CYP19A1: variants seen among roughly 807,000 people sequenced by gnomAD.
The protein encoded by CYP19A1 is aromatase.
CYP19A1 carries 32 observed loss-of-function variants against 44.4 expected under a neutral mutation model. The observed-to-expected ratio is 0.72, with a 90% CI of 0.54 to 0.97. The LOEUF (loss-of-function observed/expected upper bound fraction) is 0.97, where lower values mean the gene tolerates loss of function less well. Ranked by LOEUF, CYP19A1 falls within the 50% of genes least tolerant of loss-of-function variation. CYP19A1 has a pLI of 0.00. For synonymous variants in CYP19A1, 212 were observed against 215.6 expected (o/e 0.98, Z 0.14); for missense variants, 598 against 637.8 (o/e 0.94, Z 0.67).
intron 1 of CYP19A1, among the ~76,000 whole-genome samples, chr15:51,265,985 A>G (rs2034904942): frequency 6.6e-6 from 1 of 152,252 alleles, no homozygotes; most frequent in South Asian, 2.1e-4. Flanking sequence ...CTCCAGAAAC[A>G]TAGCAAATCT....
rs59247362 is a variant in CYP19A1, at chr15:51,282,600, T to G, written c.-38-39650A>C. Among the ~76,000 whole-genome samples the G allele has an allele frequency of 6.5e-3, 983 of 152,326 alleles. 5 individuals are homozygous for G. The highest frequency in any genetic ancestry group is 0.011 in the Non-Finnish European group (715 of 68,028). On this transcript the variant is annotated intron_variant, in intron 1 of 9. Coordinates refer to ENST00000396402, the MANE Select transcript of CYP19A1 (RefSeq NM_000103.4). ...ACTTGCGTTGGCCACCTGGACCCAC[T>G]TTCTCTCTCAAACTGTCTTTTCTCT...
At chr15:51,213,812 T>C (rs1454780745) in intron 8 of CYP19A1, among the ~76,000 whole-genome samples, 2 of 152,200 alleles carry the variant, frequency 1.3e-5, no homozygotes, top group African/African-American at 4.8e-5. Flanking sequence ...GAGCTTGTTT[T>C]CTTTTTCCCA....
intron 1 of CYP19A1, among the ~76,000 whole-genome samples, chr15:51,264,591 G>T (rs895260363): frequency 6.6e-6 from 1 of 152,122 alleles, no homozygotes; most frequent in Non-Finnish European, 1.5e-5. Flanking sequence ...TATTGAAAAC[G>T]CAGGGCAGAA....
At chr15:51,305,345 A>G (rs566466471) in intron 1 of CYP19A1, among the ~76,000 whole-genome samples, 7 of 152,284 alleles carry the variant, frequency 4.6e-5, no homozygotes, top group Admixed American at 1.3e-4. Context: ...CAGCTAGCAG[A>G]GAAGAATGGA....
chr15:51,211,154 G>A, intron 9 of CYP19A1, 98 bp from the exon 10 acceptor site: 1 of 817,356 alleles, frequency 1.2e-6, no homozygotes, highest in Non-Finnish European at 2.1e-6. Flanking sequence ...TCAGAACACT[G>A]TTTTGGGGTT....
intron 1 of CYP19A1, among the ~76,000 whole-genome samples, chr15:51,314,279 T>C (rs1393455663): frequency 2.0e-5 from 3 of 152,046 alleles, no homozygotes; most frequent in Non-Finnish European, 2.9e-5. Flanking sequence ...GCTTTCAACA[T>C]GGGGACTAGA....
intron 1 of CYP19A1, among the ~76,000 whole-genome samples, chr15:51,252,724 T>C (rs1181123748): frequency 6.6e-6 from 1 of 152,134 alleles, no homozygotes; most frequent in Non-Finnish European, 1.5e-5. Context: ...AGTGTGCGCC[T>C]GTGGAGGCCA....
Position 51,227,812 on chromosome 15 carries a change from G to T in CYP19A1, c.418C>A (p.Leu140Ile). The T allele has an allele frequency of 1.3e-6, 2 of 1,547,448 alleles. No individual in the cohort carries two copies. The highest frequency in any genetic ancestry group is 2.2e-5 in the South Asian group (2 of 89,698). ...KGIIFNNNPE[L>I]WKTTRPFFMK... The stretch of plus-strand genomic sequence containing the variant: ...AAGAAGGGTCGAGTTGTTTTCCAGA[G>T]CTCTGGATTGTTGTTAAATATGATG... The change falls in exon 4 of 10, where the codon CTC (leucine) becomes ATC (isoleucine). Residue 140 changes from leucine (L) to isoleucine (I), a missense_variant. Coordinates refer to ENST00000396402, the MANE Select transcript of CYP19A1 (RefSeq NM_000103.4).
At position 51,258,668 on chromosome 15, in the gene CYP19A1, C is replaced by T. The variant is rs1419682731; in HGVS notation, c.-38-15718G>A. On this transcript the variant is annotated intron_variant, in intron 1 of 9. Transcript: ENST00000396402. ...CCACATTCCTTCCCCCATCTATTCCCTCCCATCTCCAACCCCTGCGCCAGT... is the reference window on the plus strand; with the variant it reads ...CCACATTCCTTCCCCCATCTATTCCTTCCCATCTCCAACCCCTGCGCCAGT... 2.6e-5 allele frequency among the ~76,000 whole-genome samples: 4 copies of T among 152,202 alleles called. 1 individual carries two copies. The East Asian group carries it at 7.7e-4, about 29-fold the overall frequency.
rs116553750 is a variant in CYP19A1, at chr15:51,337,495, A to C, written c.-39+1000T>G. 7.7e-4 allele frequency among the ~76,000 whole-genome samples: 118 copies of C among 152,344 alleles called. 1 individual carries two copies. Among genetic ancestry groups the C allele is most frequent in the African/African-American group, 2.8e-3 (115 of 41,578 alleles). On this transcript the variant is annotated intron_variant, in intron 1 of 9. Coordinates refer to ENST00000396402, the MANE Select transcript of CYP19A1 (RefSeq NM_000103.4). ...TTAAAGAACTTGAGTAGCATATCTA[A>C]AGTCATGCAGTTAAAAAACAGTTTC...
chr15:51,300,213 T>A (rs2036083540), intron 1 of CYP19A1, among the ~76,000 whole-genome samples: 4 of 152,210 alleles, frequency 2.6e-5, no homozygotes, highest in Admixed American at 6.5e-5. Flanking sequence ...GAGGAGGAAG[T>A]GACTCCTAAG....
chr15:51,241,525 AG>A (rs929493810), intron 2 of CYP19A1, among the ~76,000 whole-genome samples: 28 of 152,290 alleles, frequency 1.8e-4, no homozygotes, highest in Middle Eastern at 3.4e-3. Context: ...AGGGAAGAAG[AG>A]GAAAAAAAGG....
chr15:51,301,000 T>C (rs1327485569), intron 1 of CYP19A1, among the ~76,000 whole-genome samples: 1 of 152,188 alleles, frequency 6.6e-6, no homozygotes, highest in East Asian at 1.9e-4. Flanking sequence ...GGGAACTACC[T>C]TTCCAGGGAA....
At chr15:51,317,104 CTTT>C (rs201343947) in intron 1 of CYP19A1, among the ~76,000 whole-genome samples, 11 of 138,480 alleles carry the variant, frequency 7.9e-5, no homozygotes, top group East Asian at 2.1e-4. Context: ...AAAATCACTT[CTTT>C]TTTTTTTTTT....
In CYP19A1 at chr15:51,226,408, C is replaced by A. The variant is rs1275747536; in HGVS notation, c.451+1371G>T. ...TACAGAACTGTGAGATAAATGTGTT[C>A]TTTTAAGCCACTTAGTTTGTGGCAA... On this transcript the variant is annotated intron_variant, in intron 4 of 9. Coordinates refer to ENST00000396402, the MANE Select transcript of CYP19A1 (RefSeq NM_000103.4). Among the ~76,000 whole-genome samples, 2 of 152,202 alleles carry A rather than the reference C, an allele frequency of 1.3e-5. 1 individual carries two copies. The highest frequency in any genetic ancestry group is 3.8e-4 in the East Asian group (2 of 5,200).
chr15:51,297,817 GAC>G (rs1159870053), intron 1 of CYP19A1, among the ~76,000 whole-genome samples: 9,076 of 111,510 alleles, frequency 0.081, 302 homozygotes, highest in Middle Eastern at 0.13. Context: ...CTGTAGGCAT[GAC>G]ACACACACAC....
At chr15:51,328,861 T>G (rs2036655481) in intron 1 of CYP19A1, among the ~76,000 whole-genome samples, 1 of 152,192 alleles carries the variant, frequency 6.6e-6, no homozygotes, top group Admixed American at 6.5e-5. Context: ...GCAAAAAGTT[T>G]ACTGTCCCAC....
At chr15:51,324,552 G>C (rs576510786) in intron 1 of CYP19A1, among the ~76,000 whole-genome samples, 3 of 152,238 alleles carry the variant, frequency 2.0e-5, no homozygotes, top group African/African-American at 2.4e-5. Flanking sequence ...TCTAATCCAG[G>C]CCAGCTCCTG....
chr15:51,217,316 G>A (rs1332309585), intron 6 of CYP19A1, among the ~76,000 whole-genome samples: 1 of 152,164 alleles, frequency 6.6e-6, no homozygotes, highest in Non-Finnish European at 1.5e-5. Context: ...GGGTCCAATG[G>A]CCAAGACCAA....
Sources: gnomAD v4.1 joint callset for allele counts (sites outside exome capture counted in the v4.1 genomes callset) on GRCh38, gnomAD v4.1.1 for gene constraint, MANE v1.5 for transcripts, NCBI Gene and HGNC (gene_info 2026-07-23, HGNC 2026-07-21) for gene names.